Variants in RCAN2 observed in about 807,000 individuals in gnomAD.
RCAN2 encodes the protein regulator of calcineurin 2, also known as calcipressin-2.
A neutral mutation model predicts 23.6 loss-of-function variants in RCAN2; 9 were observed. The observed-to-expected ratio is 0.38, with a 90% CI of 0.23 to 0.67. The LOEUF (loss-of-function observed/expected upper bound fraction) is 0.67, where lower values mean the gene tolerates loss of function less well. RCAN2 is among the 30% of genes least tolerant of loss of function. RCAN2 has a pLI of 0.51. For synonymous variants in RCAN2, 109 were observed against 115.7 expected, an observed-to-expected ratio of 0.94 and a Z score of 0.37; for missense variants, 273 against 302.3, an observed-to-expected ratio of 0.90 and a Z score of 0.72.
At chr6:46,396,531 T>A (rs980601944) in intron 2 of RCAN2, among the ~76,000 whole-genome samples, 1 of 152,180 alleles carries the variant, frequency 6.6e-6, no homozygotes, top group African/African-American at 2.4e-5. Context: ...TGCGTTTATG[T>A]GTGCTTGATA....
intron 2 of RCAN2, among the ~76,000 whole-genome samples, chr6:46,381,198 C>T (rs1215166555): frequency 6.6e-6 from 1 of 152,182 alleles, no homozygotes; most frequent in East Asian, 1.9e-4. Context: ...TGCTGAAAGA[C>T]AGATTACATG....
At chr6:46,450,700 T>C (rs1561911027) in intron 2 of RCAN2, among the ~76,000 whole-genome samples, 1 of 152,028 alleles carries the variant, frequency 6.6e-6, no homozygotes, top group Non-Finnish European at 1.5e-5. Flanking sequence ...AGACAAATAT[T>C]ACATAATCTC....
chr6:46,434,337 T>C (rs1355548861), intron 2 of RCAN2, among the ~76,000 whole-genome samples: 1 of 152,152 alleles, frequency 6.6e-6, no homozygotes. Context: ...GCAGTAATGG[T>C]GGCAGCTGAG....
intron 2 of RCAN2, among the ~76,000 whole-genome samples, chr6:46,276,843 T>A (rs1767727161): frequency 6.6e-6 from 1 of 152,192 alleles, no homozygotes; most frequent in African/African-American, 2.4e-5. Context: ...CCCAGATAGG[T>A]TGAACAGAGC....
In RCAN2 at chr6:46,291,435, C is replaced by T. The variant is rs531610456; in HGVS notation, c.226-42539G>A. Among the ~76,000 whole-genome samples the T allele has an allele frequency of 9.9e-4, 151 of 151,782 alleles. 1 individual carries two copies. The highest frequency in any genetic ancestry group is 3.4e-3 in the African/African-American group (140 of 41,372). On this transcript the variant is annotated intron_variant, in intron 2 of 4. Transcript: ENST00000371374. ...GGCAGCTGTGGAGTGCCACCGAGTC[C>T]CAGCGGTGGGAACCAAGTTTGCCTA...
intron 1 of RCAN2, among the ~76,000 whole-genome samples, chr6:46,489,834 C>A (rs1368235362): frequency 1.3e-5 from 2 of 152,198 alleles, no homozygotes; most frequent in Admixed American, 6.5e-5. Flanking sequence ...ATGCAAAGTG[C>A]AACTCACATT....
At chr6:46,334,976 G>T (rs564255944) in intron 2 of RCAN2, among the ~76,000 whole-genome samples, 2 of 152,276 alleles carry the variant, frequency 1.3e-5, no homozygotes, top group South Asian at 4.1e-4. Context: ...AAAAATTACA[G>T]GGATGAAAAT....
intron 2 of RCAN2, among the ~76,000 whole-genome samples, chr6:46,342,504 AT>A (rs1242976579): frequency 5.3e-5 from 8 of 150,776 alleles, no homozygotes; most frequent in African/African-American, 1.9e-4. Context: ...GTGAGCTATG[AT>A]TGTGTCACTA....
chr6:46,303,387 A>G (rs1262178255), intron 2 of RCAN2, among the ~76,000 whole-genome samples: 3 of 152,022 alleles, frequency 2.0e-5, no homozygotes, highest in Non-Finnish European at 4.4e-5. Context: ...CTAATTAGTT[A>G]ACAGTTAAAA....
chr6:46,271,877 C>T (rs1049057331), intron 2 of RCAN2, among the ~76,000 whole-genome samples: 1 of 152,114 alleles, frequency 6.6e-6, no homozygotes, highest in Non-Finnish European at 1.5e-5. Flanking sequence ...AACTGTTTCC[C>T]CATCTCTGAA....
chr6:46,434,598 G>A (rs965125170), intron 2 of RCAN2, among the ~76,000 whole-genome samples: 15 of 152,110 alleles, frequency 9.9e-5, no homozygotes, highest in Admixed American at 7.2e-4. Flanking sequence ...GTAGAGAATG[G>A]GATTATAACT....
chr6:46,248,332 G>T (rs540782300), intron 3 of RCAN2, among the ~76,000 whole-genome samples: 7 of 152,322 alleles, frequency 4.6e-5, no homozygotes, highest in African/African-American at 1.4e-4. Flanking sequence ...CTGATAGGAA[G>T]GTTAGGAATA....
At chr6:46,376,272 T>C (rs1331469394) in intron 2 of RCAN2, among the ~76,000 whole-genome samples, 1 of 152,248 alleles carries the variant, frequency 6.6e-6, no homozygotes, top group Non-Finnish European at 1.5e-5. Flanking sequence ...AGTAAGTATT[T>C]ATTTAATAAT....
chr6:46,431,202 T>A (rs10948290), intron 2 of RCAN2, among the ~76,000 whole-genome samples: 55,233 of 150,062 alleles, frequency 0.37, 12,256 homozygotes, highest in East Asian at 0.6. Flanking sequence ...TTTGTATTTT[T>A]AAAAAAAAAA....
intron 2 of RCAN2, among the ~76,000 whole-genome samples, chr6:46,391,842 G>A (rs1765947220): frequency 6.6e-6 from 1 of 152,118 alleles, no homozygotes; most frequent in Non-Finnish European, 1.5e-5. Context: ...ACACTGAGGT[G>A]GAGGAGAGGA....
chr6:46,385,397 G>A (rs1765714743), intron 2 of RCAN2, among the ~76,000 whole-genome samples: 1 of 152,192 alleles, frequency 6.6e-6, no homozygotes, highest in Non-Finnish European at 1.5e-5. Context: ...AAGGGGCAGA[G>A]CATGATTAGT....
At chr6:46,285,580 GTTC>G (rs1762349569) in intron 2 of RCAN2, among the ~76,000 whole-genome samples, 1 of 152,208 alleles carries the variant, frequency 6.6e-6, no homozygotes, top group Non-Finnish European at 1.5e-5. Flanking sequence ...TTCTTGGTAA[GTTC>G]TTCTAGTTGC....
intron 1 of RCAN2, among the ~76,000 whole-genome samples, chr6:46,480,063 C>T (rs1768814711): frequency 6.6e-6 from 1 of 152,162 alleles, no homozygotes; most frequent in African/African-American, 2.4e-5. Context: ...CAAAACCATG[C>T]AGCAGTATTA....
At chr6:46,374,795 G>A (rs1350677550) in intron 2 of RCAN2, among the ~76,000 whole-genome samples, 1 of 152,134 alleles carries the variant, frequency 6.6e-6, no homozygotes, top group Non-Finnish European at 1.5e-5. Context: ...GAAATGCAAT[G>A]CATGTTTTTC....
Sources: gnomAD v4.1 joint callset for allele counts (sites outside exome capture counted in the v4.1 genomes callset) on GRCh38, gnomAD v4.1.1 for gene constraint, MANE v1.5 for transcripts, NCBI Gene and HGNC (gene_info 2026-07-23, HGNC 2026-07-21) for gene names.